Variants in CNTN3 observed in about 807,000 individuals in gnomAD.
CNTN3 encodes contactin-3.
Under a neutral mutation model 119.1 loss-of-function variants are expected in CNTN3, and 60 were observed. That is an observed-to-expected ratio of 0.50 (90% confidence interval 0.41 to 0.62). CNTN3 has a LOEUF of 0.62. Among genes scored for constraint, CNTN3 ranks in the 20% least tolerant of loss-of-function variants. The probability of loss-of-function intolerance (pLI) is 0.00; values close to 1 mark genes in which losing one functional copy is unlikely to be tolerated. For synonymous variants in CNTN3, 450 were observed against 438.7 expected, an observed-to-expected ratio of 1.03 and a Z score of -0.32; for missense variants, 1,101 against 1,242.4, an observed-to-expected ratio of 0.89 and a Z score of 1.71.
intron 13 of CNTN3, among the ~76,000 whole-genome samples, chr3:74,326,274 T>C (rs958584233): frequency 3.3e-5 from 5 of 152,180 alleles, no homozygotes; most frequent in African/African-American, 1.2e-4. Context: ...TCCTGTTATA[T>C]TTTCTCATTG....
At chr3:74,319,300 A>G in intron 13 of CNTN3, among the ~76,000 whole-genome samples, 2 of 152,174 alleles carry the variant, frequency 1.3e-5, no homozygotes, top group Non-Finnish European at 2.9e-5. Context: ...ACAGCATGCT[A>G]CTGGTACCAA....
rs1575673326 is a variant in CNTN3 at position 74,380,355 on chromosome 3, G to A, written c.455-8956C>T. Among the ~76,000 whole-genome samples the A allele has an allele frequency of 2.0e-5, 3 of 152,250 alleles. No homozygotes were observed. In the South Asian group the frequency reaches 6.2e-4, roughly 32 times the overall value. ...TTTGGTGTGCAGATCTTAAATTTAC[G>A]CCAAACCCTTTTGCCAGACTGGCAC... On this transcript the variant is annotated intron_variant, in intron 5 of 22. Transcript: ENST00000263665.
At chr3:74,266,888 G>T (rs1701671036) in intron 21 of CNTN3, among the ~76,000 whole-genome samples, 1 of 152,088 alleles carries the variant, frequency 6.6e-6, no homozygotes, top group Non-Finnish European at 1.5e-5. Context: ...GCCCAGCTGG[G>T]CTGCGTATTT....
At chr3:74,614,077 C>T (rs1478494744) in intron 1 of CNTN3, among the ~76,000 whole-genome samples, 1 of 152,096 alleles carries the variant, frequency 6.6e-6, no homozygotes, top group East Asian at 1.9e-4. Flanking sequence ...CAACTTTTTT[C>T]CCCCAACTTT....
chr3:74,470,642 C>T (rs185246794), intron 4 of CNTN3, among the ~76,000 whole-genome samples: 5 of 152,226 alleles, frequency 3.3e-5, no homozygotes, highest in South Asian at 2.1e-4. Flanking sequence ...TGATTAACCA[C>T]TCTATAACGA....
chr3:74,386,481 G>C (rs1037912399), intron 5 of CNTN3, among the ~76,000 whole-genome samples: 1 of 152,172 alleles, frequency 6.6e-6, no homozygotes, highest in Non-Finnish European at 1.5e-5. Flanking sequence ...GGGCAAGGCT[G>C]CAGTGAACCA....
chr3:74,273,412 G>A lies in CNTN3; in HGVS notation c.2705-6034C>T, dbSNP rs562955870. On this transcript the variant is annotated intron_variant, in intron 20 of 22. Transcript: ENST00000263665. ...TGCAGGAATAAAACAGGAAACCTGA[G>A]AGGACCCACAGACCCTCTGAAGGAA... Among the ~76,000 whole-genome samples the A allele has an allele frequency of 1.8e-4, 28 of 152,294 alleles. No individual in the cohort carries two copies. The South Asian group carries it at 5.8e-3, about 32-fold the overall frequency.
chr3:74,452,589 C>G (rs77029586), intron 4 of CNTN3, among the ~76,000 whole-genome samples: 55,764 of 90,328 alleles, frequency 0.62, 18,165 homozygotes, highest in African/African-American at 0.71. Context: ...TCCCTGTCTT[C>G]TGCCAGTTTT....
At chr3:74,392,836 A>T (rs899709525) in intron 5 of CNTN3, among the ~76,000 whole-genome samples, 1 of 152,118 alleles carries the variant, frequency 6.6e-6, no homozygotes, top group African/African-American at 2.4e-5. Context: ...TAGGTTTAAC[A>T]TTCATACAGT....
At chr3:74,330,430 T>C (rs1337247604) in intron 13 of CNTN3, among the ~76,000 whole-genome samples, 1 of 152,146 alleles carries the variant, frequency 6.6e-6, no homozygotes, top group African/African-American at 2.4e-5. Context: ...GCCTTACTGA[T>C]GCATTTGTGA....
intron 6 of CNTN3, 133 bp downstream of exon 6, chr3:74,371,063 C>T (rs1373426679): frequency 9.2e-6 from 6 of 652,880 alleles, no homozygotes; most frequent in Non-Finnish European, 1.6e-5. Flanking sequence ...TCATTGTACT[C>T]ATAAAATAGT....
At chr3:74,270,356 T>C (rs1164833330) in intron 20 of CNTN3, among the ~76,000 whole-genome samples, 1 of 152,208 alleles carries the variant, frequency 6.6e-6, no homozygotes, top group African/African-American at 2.4e-5. Flanking sequence ...CTTTTCTCTT[T>C]GCCATGAGAT....
intron 5 of CNTN3, among the ~76,000 whole-genome samples, chr3:74,387,109 T>A (rs1413330859): frequency 6.6e-6 from 1 of 152,198 alleles, no homozygotes; most frequent in Non-Finnish European, 1.5e-5. Context: ...TCCAAAGTGA[T>A]GATGTGTGGA....
At chr3:74,552,937 C>T (rs1246080083) in intron 1 of CNTN3, among the ~76,000 whole-genome samples, 1 of 152,078 alleles carries the variant, frequency 6.6e-6, no homozygotes, top group Non-Finnish European at 1.5e-5. Context: ...AACCTCACTC[C>T]TTTCTTTTTT....
intron 13 of CNTN3, among the ~76,000 whole-genome samples, chr3:74,311,831 C>T (rs973660850): frequency 1.3e-5 from 2 of 152,202 alleles, no homozygotes; most frequent in African/African-American, 4.8e-5. Flanking sequence ...GGTCATAGGA[C>T]AAACGGCTTC....
intron 4 of CNTN3, among the ~76,000 whole-genome samples, chr3:74,477,691 G>A (rs988813371): frequency 1.3e-5 from 2 of 152,062 alleles, no homozygotes; most frequent in East Asian, 3.9e-4. Context: ...AACTGAGAGT[G>A]TAATTGGATG....
chr3:74,368,167 C>A (rs770366633), intron 8 of CNTN3, among the ~76,000 whole-genome samples: 1 of 152,056 alleles, frequency 6.6e-6, no homozygotes, highest in Admixed American at 6.6e-5. Flanking sequence ...TAAAATCTTA[C>A]AATATAATAA....
intron 4 of CNTN3, among the ~76,000 whole-genome samples, chr3:74,475,701 T>C (rs1303302167): frequency 1.3e-5 from 2 of 152,188 alleles, no homozygotes; most frequent in African/African-American, 2.4e-5. Context: ...TTATGTAATA[T>C]ACAGTCAATT....
rs141732445 is a variant in CNTN3 at position 74,441,589 on chromosome 3, A to G, written c.359-16649T>C. On this transcript the variant is annotated intron_variant, in intron 4 of 22. Transcript: ENST00000263665. ...CCTTGAAAAAGATTTCTTAGTTTAAATTTTTTAAGTGCAAAAATGTATACA... is the reference window on the plus strand; with the variant it reads ...CCTTGAAAAAGATTTCTTAGTTTAAGTTTTTTAAGTGCAAAAATGTATACA... Among the ~76,000 whole-genome samples the G allele has an allele frequency of 2.0e-5, 3 of 152,274 alleles. No individual in the cohort carries two copies. In the East Asian group the frequency reaches 5.8e-4, roughly 29 times the overall value.
Sources: allele counts gnomAD v4.1 joint callset (sites outside exome capture counted in the v4.1 genomes callset), GRCh38; gene constraint gnomAD v4.1.1; transcripts MANE v1.5; gene names NCBI Gene and HGNC (gene_info 2026-07-23, HGNC 2026-07-21).